Variants in USP19 observed in about 807,000 individuals in gnomAD.
USP19 encodes ubiquitin carboxyl-terminal hydrolase 19.
USP19 carries 40 observed loss-of-function variants against 144.8 expected under a neutral mutation model. The observed-to-expected ratio is 0.28, with a 90% CI of 0.21 to 0.36. The LOEUF is 0.36. Ranked by LOEUF, USP19 falls within the 10% of genes least tolerant of loss-of-function variation. The probability of loss-of-function intolerance (pLI) is 1.00; values close to 1 mark genes in which losing one functional copy is unlikely to be tolerated. For missense variants in USP19, 1,518 were observed against 1,822.5 expected, an observed-to-expected ratio of 0.83 and a Z score of 3.04; for synonymous variants, 701 against 709.3, an observed-to-expected ratio of 0.99 and a Z score of 0.19.
rs1427748887 is a variant in USP19, at chr3:49,115,105, T to C, written c.2035A>G (p.Ser679Gly). The C allele has an allele frequency of 6.2e-7, 1 of 1,614,038 alleles. No homozygotes were observed. Among genetic ancestry groups the C allele is most frequent in the Admixed American group, 1.7e-5 (1 of 60,012 alleles). ...QPSKLKAIVASKASQFTGYAQ... is the reference protein window; with the variant it reads ...QPSKLKAIVAGKASQFTGYAQ... ...TAGCCTGTGAACTGGCTGGCCTTACTCGCCACAATGGCCTGGATACAGGAG... is the reference window on the plus strand; with the variant it reads ...TAGCCTGTGAACTGGCTGGCCTTACCCGCCACAATGGCCTGGATACAGGAG... The change falls in exon 14 of 27, where the codon AGT becomes GGT. Residue 679 changes from serine (S) to glycine (G), a missense_variant. Ser to Gly is a moderately conservative substitution (Grantham distance 56). Around this residue, in one of 5 missense-constraint regions of USP19, gnomAD observed 158 missense variants for 277.3 expected, o/e 0.57. Coordinates refer to ENST00000417901, the MANE Select transcript of USP19 (RefSeq NM_001199161.2). The surrounding 1 kb of genome is among the most constrained non-coding windows in gnomAD (Gnocchi z 6.6).
chr3:49,118,016 G>C lies in USP19; in HGVS notation c.229C>G (p.Arg77Gly). The part of the protein sequence containing the change: ...HAAGITGSRH[R>G]TRLFFPSSSG... ...GATGAAGGAAAGAACAGCCGGGTAC[G>C]GTGGCGTGAGCCTGTGATCCCAGCT... The change falls in exon 3 of 27, where the codon CGT becomes GGT. Residue 77 changes from arginine to glycine, a missense_variant. Physicochemically the swap from Arg to Gly is moderately radical, Grantham distance 125 (BLOSUM62 -2). Around this residue, in one of 5 missense-constraint regions of USP19, gnomAD observed 707 missense variants for 728.9 expected, o/e 0.97. Coordinates refer to ENST00000417901, the MANE Select transcript of USP19 (RefSeq NM_001199161.2). 2 of 1,604,222 alleles carry C rather than the reference G, an allele frequency of 1.2e-6. No homozygotes were observed. Among genetic ancestry groups the C allele is most frequent in the South Asian group, 2.2e-5 (2 of 89,452 alleles).
At chr3:49,109,159 C>A in intron 26 of USP19, 1 of 1,497,646 alleles carries the variant, frequency 6.7e-7, no homozygotes, top group South Asian at 1.3e-5. Flanking sequence ...CCTCCTCAGC[C>A]TCCAGCTCCT....
Position 49,118,133 on chromosome 3 carries a change from TA to T in USP19, c.125-14del, listed in dbSNP as rs746417789. ...CGAGACCCTGTCTCTAAAAAAAAAA[TA>T]AGAAAAATTAGTCAAGCATGGTGAG... is the stretch of plus-strand genomic sequence containing the variant. On this transcript the variant is annotated splice_polypyrimidine_tract_variant and intron_variant, in intron 2 of 26. Transcript: ENST00000417901. The T allele has an allele frequency of 1.0e-5, 11 of 1,061,026 alleles. No homozygotes were observed. Among genetic ancestry groups the T allele is most frequent in the Non-Finnish European group, 1.5e-5 (11 of 740,884 alleles). 65.7% of individuals were successfully genotyped at this position (1,061,026 alleles called of 1,614,324 possible).
Position 49,110,793 on chromosome 3 carries a change from G to T in USP19, c.3616C>A (p.Leu1206Ile), listed in dbSNP as rs1336579030. Residue 1206 changes from leucine (L) to isoleucine (I), a missense_variant, in exon 24 of 27, where the codon CTC becomes ATC. This residue lies in a region of USP19 where 122 missense variants were observed against 200.4 expected (regional missense o/e 0.61). Transcript: ENST00000417901. The surrounding 1 kb of genome is among the most constrained non-coding windows in gnomAD (Gnocchi z 6.1). ...QLLLWRLPNV[L>I]IVQLKRFSFR... ...GAGAAGCGCTTGAGCTGCACGATGA[G>T]AACATTTGGCAGGCGCCATAGCAAC... 1.9e-6 allele frequency: 3 copies of T among 1,614,232 alleles called. No homozygotes were observed. The African/African-American group carries it at 4.0e-5, about 22-fold the overall frequency.
In USP19 at chr3:49,110,066, T is replaced by C; in HGVS notation, c.4038+118A>G. 2 of 1,250,000 alleles carry C rather than the reference T, an allele frequency of 1.6e-6. No individual in the cohort carries two copies. Among genetic ancestry groups the C allele is most frequent in the Non-Finnish European group, 2.1e-6 (2 of 945,376 alleles). 77.4% of individuals were successfully genotyped at this position (1,250,000 alleles called of 1,614,324 possible). A position where few individuals can be genotyped will look rare whatever the true frequency, so the allele number is the denominator to read the frequency against. On this transcript the variant is annotated intron_variant, in intron 26 of 26. Coordinates refer to ENST00000417901, the MANE Select transcript of USP19 (RefSeq NM_001199161.2). The surrounding 1 kb of genome is among the most constrained non-coding windows in gnomAD (Gnocchi z 6.1). The stretch of plus-strand genomic sequence containing the variant: ...TGATGTTAAGAGAACTCTGCAATTC[T>C]CATGAATCCCAAGGCTCAATGGGCC...
chr3:49,108,742 G>A lies in USP19; in HGVS notation c.4039-214C>T. The A allele has an allele frequency of 7.3e-7, 1 of 1,375,926 alleles. No homozygotes were observed. Among genetic ancestry groups the A allele is most frequent in the Non-Finnish European group, 9.3e-7 (1 of 1,069,536 alleles). 85.2% of individuals were successfully genotyped at this position (1,375,926 alleles called of 1,614,324 possible). On this transcript the variant is annotated intron_variant, in intron 26 of 26. Coordinates refer to ENST00000417901, the MANE Select transcript of USP19 (RefSeq NM_001199161.2). The surrounding 1 kb of genome is among the most constrained non-coding windows in gnomAD (Gnocchi z 4.8). ...AAGTAGCTTGGGCAGGGCCAAGCCT[G>A]AGGCCAAGGGTCAGAGCAGCAGGAT...
rs753240987 is a variant in USP19 at position 49,116,401 on chromosome 3, A to G, written c.1283+50T>C. The G allele has an allele frequency of 6.2e-7, 1 of 1,613,832 alleles. No individual in the cohort carries two copies. The highest frequency in any genetic ancestry group is 1.3e-5 in the African/African-American group (1 of 74,892). On this transcript the variant is annotated intron_variant, in intron 8 of 26. Transcript: ENST00000417901. This position sits in a 1 kb window ranked among gnomAD's most constrained non-coding sequence, Gnocchi z 5.0. ...GGAAGGACAAGAGGAAGAGCATGAG[A>G]CATACTGTCCCACCTGAGGCATTGT...
chr3:49,120,465 G>A (rs1316858533), intron 1 of USP19: 1 of 152,244 alleles, frequency 6.6e-6, no homozygotes, highest in Non-Finnish European at 1.5e-5. Flanking sequence ...CGGGGTTACT[G>A]ACCACAGATC....
chr3:49,108,734 C>A lies in USP19; in HGVS notation c.4039-206G>T. Reference sequence around the variant, plus strand: ...AGTACAGGAAGTAGCTTGGGCAGGGCCAAGCCTGAGGCCAAGGGTCAGAGC... The same window carrying A: ...AGTACAGGAAGTAGCTTGGGCAGGGACAAGCCTGAGGCCAAGGGTCAGAGC... On this transcript the variant is annotated intron_variant, in intron 26 of 26. Transcript: ENST00000417901. This position sits in a 1 kb window ranked among gnomAD's most constrained non-coding sequence, Gnocchi z 4.8. 7.3e-7 allele frequency: 1 copy of A among 1,371,760 alleles called. No individual in the cohort carries two copies. The highest frequency in any genetic ancestry group is 9.4e-7 in the Non-Finnish European group (1 of 1,067,340). 85.0% of individuals were successfully genotyped at this position (1,371,760 alleles called of 1,614,324 possible).
chr3:49,117,076 C>A lies in USP19; in HGVS notation c.892G>T (p.Ala298Ser). The A allele has an allele frequency of 1.3e-6, 2 of 1,517,164 alleles. No individual in the cohort carries two copies. The highest frequency in any genetic ancestry group is 2.2e-5 in the Admixed American group (1 of 46,144). 94.0% of individuals were successfully genotyped at this position (1,517,164 alleles called of 1,614,324 possible). Residue 298 changes from alanine (A) to serine (S), a missense_variant, in exon 6 of 27, where the codon GCT (alanine) becomes TCT (serine). Around this residue, in one of 5 missense-constraint regions of USP19, gnomAD observed 707 missense variants for 728.9 expected, o/e 0.97. Transcript: ENST00000417901. This position sits in a 1 kb window ranked among gnomAD's most constrained non-coding sequence, Gnocchi z 4.4. ...GCTCTCACCTGGGTGGCTGGGTCAG[C>A]CACGAAGGGTGGGGCATCACCCCGG... is the stretch of plus-strand genomic sequence containing the variant. ...GPRGDAPPFV[A>S]DPATQVEADE...
chr3:49,110,055 CT>C lies in USP19; in HGVS notation c.4038+128del. On this transcript the variant is annotated intron_variant, in intron 26 of 26. Coordinates refer to ENST00000417901, the MANE Select transcript of USP19 (RefSeq NM_001199161.2). This position sits in a 1 kb window ranked among gnomAD's most constrained non-coding sequence, Gnocchi z 6.1. ...GGCTAAAGCTTTGATGTTAAGAGAA[CT>C]CTGCAATTCTCATGAATCCCAAGGC... 2.6e-6 allele frequency: 3 copies of C among 1,132,546 alleles called. No individual in the cohort carries two copies. Among genetic ancestry groups the C allele is most frequent in the Non-Finnish European group, 3.5e-6 (3 of 846,146 alleles). The allele number at this position is 1,132,546 out of a possible 1,614,324, so 70.2% of individuals were successfully genotyped here.
In USP19 at chr3:49,116,032, A is replaced by G. The variant is rs761717855; in HGVS notation, c.1471+15T>C. ...TCACGTGGAACTGGGCAATGAAGGG[A>G]GCTCGTGTGCAGACCTCGTGCAGCC... is the stretch of plus-strand genomic sequence containing the variant. On this transcript the variant is annotated intron_variant, in intron 10 of 26. Coordinates refer to ENST00000417901, the MANE Select transcript of USP19 (RefSeq NM_001199161.2). This position sits in a 1 kb window ranked among gnomAD's most constrained non-coding sequence, Gnocchi z 5.0. The G allele has an allele frequency of 1.3e-6, 2 of 1,587,752 alleles. No homozygotes were observed. Among genetic ancestry groups the G allele is most frequent in the South Asian group, 2.3e-5 (2 of 88,098 alleles).
Position 49,111,289 on chromosome 3 carries a change from A to C in USP19, c.3294T>G (p.Asp1098Glu), listed in dbSNP as rs776337868. ...CTAGCCGCTGCTCTCGGTTGGATGA[A>C]TCAATTTTATAGATGAAGAACTGGG... is the stretch of plus-strand genomic sequence containing the variant. The part of the protein sequence containing the change: ...HTPQFFIYKI[D>E]SSNREQRLED... Residue 1098 changes from aspartate (D) to glutamate (E), a missense_variant, in exon 22 of 27, where the codon GAT (aspartate) becomes GAG (glutamate). Asp to Glu is a conservative substitution (Grantham distance 45, BLOSUM62 2). This residue lies in a region of USP19 where 413 missense variants were observed against 515.8 expected (regional missense o/e 0.80). Transcript: ENST00000417901. The surrounding 1 kb of genome is among the most constrained non-coding windows in gnomAD (Gnocchi z 5.9). 6.2e-7 allele frequency: 1 copy of C among 1,614,166 alleles called. No individual in the cohort carries two copies. Among genetic ancestry groups the C allele is most frequent in the Admixed American group, 1.7e-5 (1 of 60,022 alleles).
intron 1 of USP19, chr3:49,120,453 C>G (rs1351308945): frequency 6.6e-6 from 1 of 152,208 alleles, no homozygotes; most frequent in Non-Finnish European, 1.5e-5. Flanking sequence ...GAAATGGCAG[C>G]GCGGGGTTAC....
At position 49,116,630 on chromosome 3, in the gene USP19, C is replaced by G. The variant is rs746839839; in HGVS notation, c.1127-23G>C. On this transcript the variant is annotated intron_variant, in intron 7 of 26. Transcript: ENST00000417901. The surrounding 1 kb of genome is among the most constrained non-coding windows in gnomAD (Gnocchi z 5.0). ...GCTCTATATTGAGACCATGGCTCAG[C>G]CCCAACCAGGACAGGTTCCAGCCTA... The G allele has an allele frequency of 1.2e-6, 2 of 1,613,850 alleles. No individual in the cohort carries two copies. Among genetic ancestry groups the G allele is most frequent in the Admixed American group, 1.7e-5 (1 of 60,006 alleles).
Position 49,111,384 on chromosome 3 carries a change from A to G in USP19, c.3218-19T>C, listed in dbSNP as rs780922219. The G allele has an allele frequency of 1.2e-6, 2 of 1,613,998 alleles. No individual in the cohort carries two copies. Among genetic ancestry groups the G allele is most frequent in the Admixed American group, 1.7e-5 (1 of 60,026 alleles). ...ACAGCAGCTGTGTGAGAACATGATA[A>G]TCAAAGCTTCCCTGCCCATCAGGGC... On this transcript the variant is annotated intron_variant, in intron 21 of 26. Coordinates refer to ENST00000417901, the MANE Select transcript of USP19 (RefSeq NM_001199161.2). This position sits in a 1 kb window ranked among gnomAD's most constrained non-coding sequence, Gnocchi z 5.9.
chr3:49,110,481 G>A lies in USP19; in HGVS notation c.3822C>T (p.Arg1274=). 1 of 1,614,182 alleles carries A rather than the reference G, an allele frequency of 6.2e-7. No homozygotes were observed. Among genetic ancestry groups the A allele is most frequent in the Non-Finnish European group, 8.5e-7 (1 of 1,180,028 alleles). The change falls in exon 25 of 27, where the codon CGC becomes CGT. Residue 1274 remains arginine, a synonymous_variant. Coordinates refer to ENST00000417901, the MANE Select transcript of USP19 (RefSeq NM_001199161.2). The surrounding 1 kb of genome is among the most constrained non-coding windows in gnomAD (Gnocchi z 6.1). The part of the protein sequence containing the change: ...MIGGHYTACA[R]LPNDRSSQRS... ...GCTGACTGCTACGATCATTGGGCAG[G>A]CGTGCACAGGCAGTGTAGTGGCCAC...
rs2044375872 is a variant in USP19 at position 49,117,583 on chromosome 3, C to T, written c.473-13G>A. 1.9e-6 allele frequency: 3 copies of T among 1,613,992 alleles called. No homozygotes were observed. The highest frequency in any genetic ancestry group is 2.5e-6 in the Non-Finnish European group (3 of 1,180,038). On this transcript the variant is annotated splice_polypyrimidine_tract_variant and intron_variant, in intron 4 of 26. Transcript: ENST00000417901. The surrounding 1 kb of genome is among the most constrained non-coding windows in gnomAD (Gnocchi z 4.4). Reference sequence around the variant, plus strand: ...CACTGCTGACCACCTGGGGACAGAGCAGGGTCCATGAGGTAGGATAGGAGA... The same window carrying T: ...CACTGCTGACCACCTGGGGACAGAGTAGGGTCCATGAGGTAGGATAGGAGA...
rs778753792 is a variant in USP19 at position 49,114,712 on chromosome 3, A to G, written c.2292+51T>C. 3.1e-6 allele frequency: 5 copies of G among 1,591,836 alleles called. No individual in the cohort carries two copies. The South Asian group carries it at 5.5e-5, about 18-fold the overall frequency. ...ACATGCCTCTGAACCTAATGTGACC[A>G]GAATAGCTGAGCTGAACTAGGGGGT... On this transcript the variant is annotated intron_variant, in intron 15 of 26. Coordinates refer to ENST00000417901, the MANE Select transcript of USP19 (RefSeq NM_001199161.2). This position sits in a 1 kb window ranked among gnomAD's most constrained non-coding sequence, Gnocchi z 4.5.
Sources: gnomAD v4.1 joint callset for allele counts on GRCh38, gnomAD v4.1.1 for gene constraint, gnomAD v4.1.1 regional missense constraint, Gnocchi (gnomAD v3.1) non-coding constraint, MANE v1.5 for transcripts, NCBI Gene and HGNC (gene_info 2026-07-23, HGNC 2026-07-21) for gene names.